The following ATP11A variants were observed in gnomAD, a reference collection of about 807,000 sequenced individuals.
ATP11A encodes the protein ATPase phospholipid transporting 11A, also known as phospholipid-transporting ATPase IH.
A neutral mutation model predicts 154.4 loss-of-function variants in ATP11A; 81 were observed. The ratio of observed to expected loss-of-function variants is 0.52; its 90% CI spans 0.44 to 0.63. ATP11A has a LOEUF of 0.63. ATP11A is among the 30% of genes least tolerant of loss of function. The pLI, the probability that ATP11A is intolerant of heterozygous loss-of-function variation, is 0.00. For missense variants in ATP11A, 1,316 were observed against 1,474.3 expected, an observed-to-expected ratio of 0.89 and a Z score of 1.76; for synonymous variants, 623 against 585.9, an observed-to-expected ratio of 1.06 and a Z score of -0.91.
rs1489321374 is a variant in ATP11A, at chr13:112,885,461, A to G, written c.*3595A>G. On this transcript the variant is annotated 3_prime_UTR_variant, in exon 30 of 30. Transcript: ENST00000375645. ...GTAAACACACGTGCACACATCGTACACATGTGAGCTCCCACACGTACACAC... is the reference window on the plus strand; with the variant it reads ...GTAAACACACGTGCACACATCGTACGCATGTGAGCTCCCACACGTACACAC... 6.6e-6 allele frequency: 1 copy of G among 152,254 alleles called. No homozygotes were observed. Among genetic ancestry groups the G allele is most frequent in the African/African-American group, 2.4e-5 (1 of 41,434 alleles). 9.4% of individuals were successfully genotyped at this position (152,254 alleles called of 1,614,324 possible).
chr13:112,831,339 C>T lies in ATP11A; in HGVS notation c.1222-36C>T, dbSNP rs1015503506. The stretch of plus-strand genomic sequence containing the variant: ...CTGAGTCGGGGACGTGCGGGCCTCC[C>T]TCAGAGCGCCCTGACTTGCTGTGCC... On this transcript the variant is annotated intron_variant, in intron 12 of 29. Coordinates refer to ENST00000375645, the MANE Select transcript of ATP11A (RefSeq NM_015205.3). The T allele has an allele frequency of 2.5e-6, 4 of 1,602,584 alleles. No individual in the cohort carries two copies. In the African/African-American group the frequency reaches 5.3e-5, roughly 21 times the overall value.
intron 2 of ATP11A, among the ~76,000 whole-genome samples, chr13:112,803,972 TCCCTCATTCCCCTCATTC>T (rs1424627907): frequency 5.5e-5 from 3 of 54,624 alleles, no homozygotes; most frequent in Admixed American, 2.1e-4. Context: ...TTCCCTTCCT[TCCCTCATTCCCCTCATTC>T]CCCTCCTTCC....
chr13:112,860,081 G>A (rs1464297490), intron 23 of ATP11A, among the ~76,000 whole-genome samples: 1 of 151,884 alleles, frequency 6.6e-6, no homozygotes, highest in African/African-American at 2.4e-5. Flanking sequence ...GATAGAATGG[G>A]ATGAGTCAGT....
intron 1 of ATP11A, among the ~76,000 whole-genome samples, chr13:112,751,739 C>G (rs557670091): frequency 4.6e-5 from 7 of 151,986 alleles, no homozygotes; most frequent in East Asian, 1.9e-4. Flanking sequence ...ATCCCCCCCC[C>G]CTTTTTTTGA....
In ATP11A at chr13:112,776,090, C is replaced by T. The variant is rs560829186; in HGVS notation, c.40-9045C>T. On this transcript the variant is annotated intron_variant, in intron 1 of 29. Transcript: ENST00000375645. ...GCGGCTGACCTGCAGGCTCGGAGTC[C>T]GTGGCTGCTGCTGCTTGTTCCAGTG... is the stretch of plus-strand genomic sequence containing the variant. Among the ~76,000 whole-genome samples, 518 of 152,326 alleles carry T rather than the reference C, an allele frequency of 3.4e-3. 2 individuals are homozygous for T. Among genetic ancestry groups the T allele is most frequent in the African/African-American group, 5.3e-3 (221 of 41,574 alleles).
intron 19 of ATP11A, 28 bp downstream of exon 19, chr13:112,854,558 C>T (rs1354644839): frequency 1.3e-6 from 2 of 1,590,446 alleles, no homozygotes; most frequent in Admixed American, 3.4e-5. Flanking sequence ...GCCCCCACCC[C>T]CACACTCCCG....
chr13:112,734,310 A>G (rs1167085225), intron 1 of ATP11A, among the ~76,000 whole-genome samples: 1 of 152,150 alleles, frequency 6.6e-6, no homozygotes, highest in Admixed American at 6.6e-5. Context: ...GAACCTTGAA[A>G]TACTTGAGAA....
At chr13:112,819,483 A>G in intron 7 of ATP11A, 76 bp downstream of exon 7, 1 of 1,268,930 alleles carries the variant, frequency 7.9e-7, no homozygotes, top group Non-Finnish European at 1.1e-6. Context: ...CACCCCAAGT[A>G]GTCCAGCCAT....
At chr13:112,728,910 C>T (rs1387876434) in intron 1 of ATP11A, among the ~76,000 whole-genome samples, 1 of 152,168 alleles carries the variant, frequency 6.6e-6, no homozygotes, top group East Asian at 1.9e-4. Context: ...AGCGGCTTCC[C>T]TCCTGGGGGT....
chr13:112,826,709 A>G lies in ATP11A; in HGVS notation c.1039A>G (p.Thr347Ala). Residue 347 changes from threonine to alanine, a missense_variant, in exon 12 of 30, where the codon ACG becomes GCG. By Grantham distance (58) the Thr-to-Ala change is moderately conservative. Transcript: ENST00000375645. ...RQRNLFLKAF[T>A]DFLAFMVLFN... Reference sequence around the variant, plus strand: ...GCTCTTGCAGTTCCTCAAGGCATTCACGGACTTCCTGGCCTTCATGGTCCT... The same window carrying G: ...GCTCTTGCAGTTCCTCAAGGCATTCGCGGACTTCCTGGCCTTCATGGTCCT... 6.2e-7 allele frequency: 1 copy of G among 1,614,174 alleles called. No homozygotes were observed.
At chr13:112,762,789 A>G (rs2076992297) in intron 1 of ATP11A, among the ~76,000 whole-genome samples, 1 of 152,376 alleles carries the variant, frequency 6.6e-6, no homozygotes, top group Middle Eastern at 3.4e-3. Flanking sequence ...GTGTCTCTTT[A>G]CAAATGCTCA....
chr13:112,806,932 C>T (rs927367849), intron 4 of ATP11A, among the ~76,000 whole-genome samples: 2 of 152,190 alleles, frequency 1.3e-5, no homozygotes, highest in Non-Finnish European at 2.9e-5. Flanking sequence ...ATGATGTTTT[C>T]AAGGTTTCTC....
chr13:112,836,986 A>T (rs1283180797), intron 16 of ATP11A, among the ~76,000 whole-genome samples: 3 of 152,078 alleles, frequency 2.0e-5, no homozygotes, highest in Non-Finnish European at 4.4e-5. Flanking sequence ...CAGGTGGACG[A>T]CCTCGTCTCC....
chr13:112,779,377 C>T (rs2077441860), intron 1 of ATP11A, among the ~76,000 whole-genome samples: 2 of 132,846 alleles, frequency 1.5e-5, no homozygotes, highest in African/African-American at 6.3e-5. Context: ...GGAGTAGCCG[C>T]TGGAGTGAGT....
intron 1 of ATP11A, among the ~76,000 whole-genome samples, chr13:112,779,337 A>AGCCGCTGGAGTGAGTAGCC (rs2077439188): frequency 9.1e-6 from 1 of 109,574 alleles, no homozygotes; most frequent in Non-Finnish European, 1.9e-5. Context: ...AGTGAGGAGT[A>AGCCGCTGGAGTGAGTAGCC]GCCGCTGGAG....
chr13:112,880,018 C>T (rs1406333419), intron 29 of ATP11A, among the ~76,000 whole-genome samples: 3 of 152,238 alleles, frequency 2.0e-5, no homozygotes, highest in African/African-American at 2.4e-5. Flanking sequence ...TTTGCCCATT[C>T]AGACGTGCAA....
At chr13:112,759,706 TAA>T (rs1162599916) in intron 1 of ATP11A, among the ~76,000 whole-genome samples, 3 of 152,230 alleles carry the variant, frequency 2.0e-5, no homozygotes, top group African/African-American at 7.2e-5. Context: ...GCCTGTTTTG[TAA>T]ACTTTTAATT....
At chr13:112,802,188 CAA>C (rs573243269) in intron 2 of ATP11A, among the ~76,000 whole-genome samples, 3 of 151,538 alleles carry the variant, frequency 2.0e-5, no homozygotes, top group African/African-American at 4.8e-5. Flanking sequence ...ACTAAAAATA[CAA>C]AAAAAATTAG....
chr13:112,866,002 A>G (rs1287261645), intron 25 of ATP11A, among the ~76,000 whole-genome samples: 1 of 152,236 alleles, frequency 6.6e-6, no homozygotes, highest in Non-Finnish European at 1.5e-5. Flanking sequence ...CGAGTACCAT[A>G]CTTAGTCGTC....
Sources: gnomAD v4.1 joint callset for allele counts (sites outside exome capture counted in the v4.1 genomes callset) on GRCh38, gnomAD v4.1.1 for gene constraint, MANE v1.5 for transcripts, NCBI Gene and HGNC (gene_info 2026-07-23, HGNC 2026-07-21) for gene names.